The following PRR12 variants were observed in gnomAD, a reference collection of about 807,000 sequenced individuals.
The protein encoded by PRR12 is proline rich 12, also known as proline-rich protein 12.
In PRR12, 12 loss-of-function variants were observed where a neutral mutation model predicts 138.0. The ratio of observed to expected loss-of-function variants is 0.09; its 90% CI spans 0.06 to 0.14. The LOEUF is 0.14. Ranked by LOEUF, PRR12 falls within the 10% of genes least tolerant of loss-of-function variation. The pLI, the probability that PRR12 is intolerant of heterozygous loss-of-function variation, is 1.00. For missense variants in PRR12, 2,692 were observed against 2,861.3 expected, an observed-to-expected ratio of 0.94 and a Z score of 1.35; for synonymous variants, 1,567 against 1,291.7, an observed-to-expected ratio of 1.21 and a Z score of -4.57.
intron 9 of PRR12, among the ~76,000 whole-genome samples, chr19:49,619,855 T>TTTTTTC (rs2080912793): frequency 8.1e-6 from 1 of 122,776 alleles, no homozygotes; most frequent in African/African-American, 3.2e-5. Flanking sequence ...GCCTGGCTTT[T>TTTTTTC]TTTTTTTTTT....
Position 49,601,933 on chromosome 19 carries a change from T to C in PRR12, c.4773+15T>C. 2.5e-6 allele frequency: 4 copies of C among 1,607,836 alleles called. No individual in the cohort carries two copies. Among genetic ancestry groups the C allele is most frequent in the Non-Finnish European group, 3.4e-6 (4 of 1,178,308 alleles). ...CTTCCCTCAAGGTGAGTCCCAGCCTTCTCCAGAAACTGGGCCTGATGGGTT... is the reference window on the plus strand; with the variant it reads ...CTTCCCTCAAGGTGAGTCCCAGCCTCCTCCAGAAACTGGGCCTGATGGGTT... On this transcript the variant is annotated intron_variant, in intron 6 of 13. Transcript: ENST00000418929.
chr19:49,608,829 G>A (rs2080851165), intron 6 of PRR12, among the ~76,000 whole-genome samples: 1 of 151,152 alleles, frequency 6.6e-6, no homozygotes, highest in South Asian at 2.1e-4. Flanking sequence ...GACAGTGAAT[G>A]TGACCCTGTC....
chr19:49,617,397 G>A (rs748455308), intron 9 of PRR12, among the ~76,000 whole-genome samples: 1 of 152,128 alleles, frequency 6.6e-6, no homozygotes, highest in East Asian at 1.9e-4. Flanking sequence ...GGAGGCTGAG[G>A]TGGTAGACTC....
intron 6 of PRR12, among the ~76,000 whole-genome samples, chr19:49,602,720 T>A (rs562873091): frequency 4.6e-5 from 7 of 152,022 alleles, no homozygotes; most frequent in Non-Finnish European, 1.0e-4. Flanking sequence ...CCCGGCTGAT[T>A]TTTGTGTTTT....
rs999078283 is a variant in PRR12, at chr19:49,624,907, G to C, written c.5785G>C (p.Gly1929Arg). The change falls in exon 12 of 14, where the codon GGG (glycine) becomes CGG (arginine). Residue 1929 changes from glycine to arginine, a missense_variant. Gly to Arg is a moderately radical substitution (Grantham distance 125, BLOSUM62 -2). Around this residue, in one of 11 missense-constraint regions of PRR12, gnomAD observed 116 missense variants for 243.4 expected, o/e 0.48. Coordinates refer to ENST00000418929, the MANE Select transcript of PRR12 (RefSeq NM_020719.3). The part of the protein sequence containing the change: ...EQSGEGSPEE[G>R]AVRLRPAGEP... Reference sequence around the variant, plus strand: ...GAGTGGGGAGGGCTCTCCGGAAGAGGGGGCTGTGCGGCTGCGGCCTGCTGG... The same window carrying C: ...GAGTGGGGAGGGCTCTCCGGAAGAGCGGGCTGTGCGGCTGCGGCCTGCTGG... 6.2e-7 allele frequency: 1 copy of C among 1,608,044 alleles called. No homozygotes were observed. Among genetic ancestry groups the C allele is most frequent in the African/African-American group, 1.3e-5 (1 of 74,888 alleles).
chr19:49,596,959 A>G lies in PRR12; in HGVS notation c.2624A>G (p.Asp875Gly). Residue 875 changes from aspartate to glycine, a missense_variant, in exon 4 of 14, where the codon GAT (aspartate) becomes GGT (glycine). Physicochemically the swap from Asp to Gly is moderately conservative, Grantham distance 94 (BLOSUM62 -1). Transcript: ENST00000418929. The surrounding 1 kb of genome is among the most constrained non-coding windows in gnomAD (Gnocchi z 5.6). ...SPRLRPEESL[D>G]PPGAMQELLG... ...CGCCTGCGACCCGAGGAGAGCCTGGATCCGCCAGGCGCCATGCAGGAATTG... is the reference window on the plus strand; with the variant it reads ...CGCCTGCGACCCGAGGAGAGCCTGGGTCCGCCAGGCGCCATGCAGGAATTG... The G allele has an allele frequency of 3.2e-6, 5 of 1,551,998 alleles. No individual in the cohort carries two copies. Among genetic ancestry groups the G allele is most frequent in the Non-Finnish European group, 4.3e-6 (5 of 1,153,722 alleles).
chr19:49,622,924 TATATAGAGAGAGAG>T (rs1464012674), intron 11 of PRR12, among the ~76,000 whole-genome samples: 9 of 84,758 alleles, frequency 1.1e-4, no homozygotes, highest in South Asian at 4.3e-4. Flanking sequence ...TATATATATA[TATATAGAGAGAGAG>T]AGAGAGAGAG....
Position 49,599,295 on chromosome 19 carries a change from T to C in PRR12, c.3702T>C (p.Ala1234=). 6.2e-7 allele frequency: 1 copy of C among 1,607,778 alleles called. No homozygotes were observed. The highest frequency in any genetic ancestry group is 8.5e-7 in the Non-Finnish European group (1 of 1,176,438). ...PLKIKLSVPK[A]GEGLGTSSGD... is the part of the protein sequence containing the mutation. ...AGATCAAGCTGTCTGTGCCCAAGGC[T>C]GGCGAGGGTCTGGGAACCTCATCGG... Residue 1234 remains alanine (A), a synonymous_variant, in exon 5 of 14, where the codon GCT becomes GCC. Coordinates refer to ENST00000418929, the MANE Select transcript of PRR12 (RefSeq NM_020719.3). The surrounding 1 kb of genome is among the most constrained non-coding windows in gnomAD (Gnocchi z 5.0).
chr19:49,595,168 C>T lies in PRR12; in HGVS notation c.833C>T (p.Pro278Leu). 6.2e-7 allele frequency: 1 copy of T among 1,609,778 alleles called. No individual in the cohort carries two copies. Among genetic ancestry groups the T allele is most frequent in the Non-Finnish European group, 8.5e-7 (1 of 1,179,112 alleles). The change falls in exon 4 of 14, where the codon CCT (proline) becomes CTT (leucine). Residue 278 changes from proline to leucine, a missense_variant. By Grantham distance (98) the Pro-to-Leu change is moderately conservative. This residue lies in a region of PRR12 where 523 missense variants were observed against 496.4 expected (regional missense o/e 1.05). Coordinates refer to ENST00000418929, the MANE Select transcript of PRR12 (RefSeq NM_020719.3). ...FSGAAPGPPP[P>L]ERALPRQDTV... ...GGTGCTGCCCCGGGCCCACCGCCGC[C>T]TGAGCGGGCCCTGCCACGCCAGGAC...
In PRR12 at chr19:49,605,482, G is replaced by A. The variant is rs180943183; in HGVS notation, c.4773+3564G>A. Among the ~76,000 whole-genome samples the A allele has an allele frequency of 6.6e-5, 10 of 151,134 alleles. No homozygotes were observed. The East Asian group carries it at 1.8e-3, about 27-fold the overall frequency. ...TCTCCATGTTGGCCAGGCTGCTCTC[G>A]AACTCCTGACCTCAGGTGATCTGCC... On this transcript the variant is annotated intron_variant, in intron 6 of 13. Coordinates refer to ENST00000418929, the MANE Select transcript of PRR12 (RefSeq NM_020719.3).
At position 49,601,744 on chromosome 19, in the gene PRR12, G is replaced by A. The variant is rs757055013; in HGVS notation, c.4599G>A (p.Pro1533=). The change falls in exon 6 of 14, where the codon CCG becomes CCA. Residue 1533 remains proline, a synonymous_variant. Transcript: ENST00000418929. The part of the protein sequence containing the change: ...LAAPPEEPAA[P]SPEDPELPDT... ...CTCCTCCTGAGGAGCCCGCCGCCCC[G>A]TCTCCCGAAGACCCCGAGCTGCCGG... 2.8e-5 allele frequency: 44 copies of A among 1,559,000 alleles called. No homozygotes were observed. The African/African-American group carries it at 3.0e-4, about 11-fold the overall frequency.
chr19:49,615,656 T>A (rs2080888275), intron 8 of PRR12, 91 bp from the exon 9 acceptor site: 1 of 1,041,950 alleles, frequency 9.6e-7, no homozygotes, highest in Non-Finnish European at 1.4e-6. Flanking sequence ...AGAGAAGCTA[T>A]TCCTGTGCCT....
Position 49,625,264 on chromosome 19 carries a change from C to G in PRR12, c.5964+64C>G, listed in dbSNP as rs923879027. 7 of 1,554,764 alleles carry G rather than the reference C, an allele frequency of 4.5e-6. No homozygotes were observed. The highest frequency in any genetic ancestry group is 1.4e-5 in the African/African-American group (1 of 73,484). On this transcript the variant is annotated intron_variant, in intron 13 of 13. Coordinates refer to ENST00000418929, the MANE Select transcript of PRR12 (RefSeq NM_020719.3). The surrounding 1 kb of genome is among the most constrained non-coding windows in gnomAD (Gnocchi z 5.5). The stretch of plus-strand genomic sequence containing the variant: ...AACCTTTCTGACTTCCTCTTGGGAT[C>G]TGAGGGTCCAAGCCCAGCCCCATCC...
chr19:49,618,808 C>T (rs1473015697), intron 9 of PRR12, among the ~76,000 whole-genome samples: 1 of 152,018 alleles, frequency 6.6e-6, no homozygotes, highest in Non-Finnish European at 1.5e-5. Context: ...CTGCTTCCAG[C>T]CCTGCCCCAC....
chr19:49,599,430 G>A lies in PRR12; in HGVS notation c.3837G>A (p.Ser1279=), dbSNP rs373252006. 29 of 1,608,730 alleles carry A rather than the reference G, an allele frequency of 1.8e-5. No homozygotes were observed. The highest frequency in any genetic ancestry group is 4.0e-5 in the African/African-American group (3 of 74,814). Residue 1279 remains serine, a synonymous_variant, in exon 5 of 14, where the codon TCG becomes TCA. Coordinates refer to ENST00000418929, the MANE Select transcript of PRR12 (RefSeq NM_020719.3). This position sits in a 1 kb window ranked among gnomAD's most constrained non-coding sequence, Gnocchi z 5.0. ...EVEEKQPEMK[S]GFMASFLDFL... ...AGGAGAAGCAGCCGGAGATGAAGTC[G>A]GGTTTCATGGCCTCCTTCTTGGACT...
chr19:49,604,349 G>T (rs1274964029), intron 6 of PRR12, among the ~76,000 whole-genome samples: 1 of 149,396 alleles, frequency 6.7e-6, no homozygotes, highest in African/African-American at 2.5e-5. Context: ...AAAAACAAGG[G>T]AGCGAGACTG....
chr19:49,601,506 A>T lies in PRR12; in HGVS notation c.4361A>T (p.Glu1454Val). Residue 1454 changes from glutamate (E) to valine (V), a missense_variant, in exon 6 of 14, where the codon GAG (glutamate) becomes GTG (valine). By Grantham distance (121) the Glu-to-Val change is moderately radical (BLOSUM62 -2). This residue lies in a region of PRR12 where 231 missense variants were observed against 200.8 expected (regional missense o/e 1.15). Transcript: ENST00000418929. ...TCTCCCCCAGAGCCCCCGCTGCTGG[A>T]GGAGAAACCCCCACCCACTCCACCT... Reference protein sequence around the residue: ...SNGTPEPPLLEEKPPPTPPPA... With the variant: ...SNGTPEPPLLVEKPPPTPPPA... The T allele has an allele frequency of 6.6e-7, 1 of 1,508,352 alleles. No homozygotes were observed. The highest frequency in any genetic ancestry group is 9.0e-7 in the Non-Finnish European group (1 of 1,113,960). The allele number at this position is 1,508,352 out of a possible 1,614,324, so 93.4% of individuals were successfully genotyped here. A position where few individuals can be genotyped will look rare whatever the true frequency, so the allele number is the denominator to read the frequency against.
In PRR12 at chr19:49,615,801, C is replaced by T; in HGVS notation, c.5079C>T (p.Pro1693=). The T allele has an allele frequency of 2.5e-6, 4 of 1,612,934 alleles. No homozygotes were observed. Among genetic ancestry groups the T allele is most frequent in the Non-Finnish European group, 3.4e-6 (4 of 1,179,502 alleles). The stretch of plus-strand genomic sequence containing the variant: ...CTGCTGGGGGTAGCTCTGCACCTCC[C>T]CCTAAGGCCCCAGCACCACCTCCCA... ...PVSAGGSSAP[P]PKAPAPPPKP... Residue 1693 remains proline (P), a synonymous_variant, in exon 9 of 14, where the codon CCC becomes CCT. Transcript: ENST00000418929.
chr19:49,620,901 G>A (rs1413338573), intron 10 of PRR12, among the ~76,000 whole-genome samples: 6 of 147,006 alleles, frequency 4.1e-5, no homozygotes, highest in Non-Finnish European at 9.0e-5. Flanking sequence ...GGACTCCCAG[G>A]TCTGAGGAAG....
Sources: gnomAD v4.1 joint callset for allele counts (sites outside exome capture counted in the v4.1 genomes callset) on GRCh38, gnomAD v4.1.1 for gene constraint, gnomAD v4.1.1 regional missense constraint, Gnocchi (gnomAD v3.1) non-coding constraint, MANE v1.5 for transcripts, NCBI Gene and HGNC (gene_info 2026-07-23, HGNC 2026-07-21) for gene names.